MBNL3: variants seen among roughly 807,000 people sequenced by gnomAD.
MBNL3 encodes the protein muscleblind-like protein 3.
MBNL3 carries 6 observed loss-of-function variants against 24.5 expected under a neutral mutation model. The ratio of observed to expected loss-of-function variants is 0.25; its 90% CI spans 0.13 to 0.48. The LOEUF is 0.48. Among genes scored for constraint, MBNL3 ranks in the 20% least tolerant of loss-of-function variants. The probability of loss-of-function intolerance (pLI) is 0.99; values close to 1 mark genes in which losing one functional copy is unlikely to be tolerated. For synonymous variants in MBNL3, 100 were observed against 101.7 expected, an observed-to-expected ratio of 0.98 and a Z score of 0.10; for missense variants, 230 against 293.5, an observed-to-expected ratio of 0.78 and a Z score of 1.58.
At chrX:132,396,614 T>TCCTATATATTCA (rs1938873279) in intron 3 of MBNL3, among the ~76,000 whole-genome samples, 2 of 42,349 alleles carry the variant, frequency 4.7e-5, no homozygotes, top group Non-Finnish European at 7.3e-5. Context: ...CTATATATAT[T>TCCTATATATTCA]CATATATATA....
At chrX:132,396,877 CAT>C (rs1169954485) in intron 3 of MBNL3, among the ~76,000 whole-genome samples, 2 of 49,258 alleles carry the variant, frequency 4.1e-5, no homozygotes, top group Admixed American at 3.1e-4. Context: ...TTCATATATA[CAT>C]ATATATTCAT....
intron 2 of MBNL3, among the ~76,000 whole-genome samples, chrX:132,433,787 C>T: frequency 9.0e-6 from 1 of 111,456 alleles, no homozygotes; most frequent in Middle Eastern, 4.7e-3. Context: ...CTGCCCTCCC[C>T]CTTCATGGCT....
At chrX:132,436,429 T>TA (rs1407328126) in intron 2 of MBNL3, among the ~76,000 whole-genome samples, 2 of 112,144 alleles carry the variant, frequency 1.8e-5, no homozygotes, top group Non-Finnish European at 3.8e-5. Context: ...TTGTACCTGT[T>TA]ATTAAGGCAA....
intron 2 of MBNL3, among the ~76,000 whole-genome samples, chrX:132,410,006 C>A (rs1391753624): frequency 9.0e-6 from 1 of 111,492 alleles, no homozygotes; most frequent in Non-Finnish European, 1.9e-5. Flanking sequence ...TTCCAGCTCC[C>A]CTTTCCCATC....
intron 1 of MBNL3, among the ~76,000 whole-genome samples, chrX:132,459,109 T>A (rs1299770122): frequency 4.8e-5 from 5 of 103,686 alleles, no homozygotes; most frequent in African/African-American, 1.4e-4. Flanking sequence ...GCATACTAGA[T>A]TCTCAATAAA....
intron 2 of MBNL3, among the ~76,000 whole-genome samples, chrX:132,435,641 T>A (rs767937173): frequency 1.8e-5 from 2 of 112,133 alleles, no homozygotes; most frequent in Non-Finnish European, 3.8e-5. Context: ...AAGGTTTCAC[T>A]TGTCAAAATA....
chrX:132,440,328 AT>A lies in MBNL3; in HGVS notation c.-703-15del, dbSNP rs1193594734. On this transcript the variant is annotated splice_polypyrimidine_tract_variant and intron_variant, in intron 1 of 8. Coordinates refer to ENST00000370853, the MANE Select transcript of MBNL3 (RefSeq NM_001386889.1). ...ACTTTTCAGAACCTGCAAGAAAAAA[AT>A]AAATAAAATTAGCTAAAATAATACA... is the stretch of plus-strand genomic sequence containing the variant. Among the ~76,000 whole-genome samples the A allele has an allele frequency of 1.8e-5, 2 of 111,571 alleles. No individual in the cohort carries two copies. Among genetic ancestry groups the A allele is most frequent in the East Asian group, 2.8e-4 (1 of 3,570 alleles).
At chrX:132,489,687 C>CCCGCGAAACT (rs1948192178), upstream of MBNL3, 1 of 73,358 alleles carries the variant, frequency 1.4e-5, no homozygotes, top group Non-Finnish European at 2.6e-5. Context: ...AACGGAAACT[C>CCCGCGAAACT]CCGCGAAACT....
chrX:132,435,753 TAG>T (rs1311722263), intron 2 of MBNL3, among the ~76,000 whole-genome samples: 1 of 111,909 alleles, frequency 8.9e-6, no homozygotes, highest in Non-Finnish European at 1.9e-5. Flanking sequence ...GTATATAGGT[TAG>T]CTTGAGTATC....
intron 2 of MBNL3, among the ~76,000 whole-genome samples, chrX:132,438,659 A>G (rs1945244195): frequency 9.3e-6 from 1 of 107,941 alleles, no homozygotes; most frequent in East Asian, 2.9e-4. Flanking sequence ...TGAATAACAC[A>G]TGAAAATCAG....
At chrX:132,456,572 T>TA (rs1946382338) in intron 1 of MBNL3, among the ~76,000 whole-genome samples, 1 of 112,214 alleles carries the variant, frequency 8.9e-6, no homozygotes, top group African/African-American at 3.2e-5. Context: ...CAATATCCTA[T>TA]GAGGTACATA....
chrX:132,471,603 T>C (rs1388565683), intron 1 of MBNL3, among the ~76,000 whole-genome samples: 2 of 112,934 alleles, frequency 1.8e-5, no homozygotes, highest in Non-Finnish European at 3.7e-5. Context: ...GGTGGGAGGA[T>C]TGCTTCAGCC....
intron 8 of MBNL3, among the ~76,000 whole-genome samples, chrX:132,381,711 G>A (rs1934994217): frequency 8.9e-6 from 1 of 111,977 alleles, no homozygotes; most frequent in Non-Finnish European, 1.9e-5. Context: ...AGGAACTTCT[G>A]ATGTAATCAC....
At chrX:132,472,774 A>G (rs1947246464) in intron 1 of MBNL3, among the ~76,000 whole-genome samples, 1 of 112,203 alleles carries the variant, frequency 8.9e-6, no homozygotes, top group African/African-American at 3.2e-5. Flanking sequence ...ATTGTGTAAA[A>G]CTTGTTAAAA....
rs901128206 is a variant in MBNL3 at position 132,375,499 on chromosome X, T to A, written c.*4167A>T. The A allele has an allele frequency of 9.0e-6, 1 of 111,154 alleles. No homozygotes were observed. Among genetic ancestry groups the A allele is most frequent in the African/African-American group, 3.3e-5 (1 of 30,660 alleles). The allele number at this position is 111,154 out of a possible 1,213,427, so 9.2% of individuals were successfully genotyped here. On this transcript the variant is annotated 3_prime_UTR_variant, in exon 9 of 9. Transcript: ENST00000370853. The stretch of plus-strand genomic sequence containing the variant: ...AAGCAATAAAATGAAACCTTAAAGA[T>A]GAACAATAAGAAAAATGAAAATATG...
At chrX:132,382,737 A>G (rs911864452) in intron 7 of MBNL3, among the ~76,000 whole-genome samples, 5 of 112,330 alleles carry the variant, frequency 4.5e-5, no homozygotes, top group African/African-American at 1.3e-4. Flanking sequence ...ACTTATGGAC[A>G]TGAATGCCGT....
Position 132,439,304 on chromosome X carries a change from G to GT in MBNL3, c.177+130dup, listed in dbSNP as rs757631216. 1.2e-5 allele frequency: 9 copies of GT among 721,403 alleles called. No homozygotes were observed. In the South Asian group the frequency reaches 2.0e-4, roughly 16 times the overall value. The allele number at this position is 721,403 out of a possible 1,213,427, so 59.5% of individuals were successfully genotyped here. Reference sequence around the variant, plus strand: ...TTAAGACCTTCTATCTTGACATTCTGTTTTTTTGTTAAAAAAACAAAATTT... The same window carrying GT: ...TTAAGACCTTCTATCTTGACATTCTGTTTTTTTTGTTAAAAAAACAAAATTT... On this transcript the variant is annotated intron_variant, in intron 2 of 8. Coordinates refer to ENST00000370853, the MANE Select transcript of MBNL3 (RefSeq NM_001386889.1).
chrX:132,441,284 A>G (rs1455915560), intron 1 of MBNL3, among the ~76,000 whole-genome samples: 1 of 112,387 alleles, frequency 8.9e-6, no homozygotes, highest in East Asian at 2.8e-4. Context: ...TAAGTGGCAG[A>G]CTGTTGTCAT....
upstream of MBNL3, among the ~76,000 whole-genome samples, chrX:132,489,590 G>A (rs1948185957): frequency 8.9e-6 from 1 of 111,955 alleles, no homozygotes; most frequent in South Asian, 3.6e-4. Flanking sequence ...AGGCAGCCCG[G>A]GCTGGGGCCG....
Sources: allele counts gnomAD v4.1 joint callset (sites outside exome capture counted in the v4.1 genomes callset), GRCh38; gene constraint gnomAD v4.1.1; transcripts MANE v1.5; gene names NCBI Gene and HGNC (gene_info 2026-07-23, HGNC 2026-07-21).